Variants in DOK6 observed in about 807,000 individuals in gnomAD.
DOK6 encodes the protein docking protein 6, also known as downstream of tyrosine kinase 6.
Under a neutral mutation model 44.0 loss-of-function variants are expected in DOK6, and 22 were observed. That is an observed-to-expected ratio of 0.50 (90% CI 0.36 to 0.71). The LOEUF (loss-of-function observed/expected upper bound fraction) is 0.71. DOK6 is among the 30% of genes least tolerant of loss of function. The probability of loss-of-function intolerance (pLI) is 0.00; values close to 1 mark genes in which losing one functional copy is unlikely to be tolerated. For synonymous variants in DOK6, 166 were observed against 145.5 expected (o/e 1.14, Z -1.01); for missense variants, 340 against 416.4 (o/e 0.82, Z 1.60).
intron 5 of DOK6, 48 bp downstream of exon 5, chr18:69,698,641 A>G (rs1599270219): frequency 1.3e-6 from 2 of 1,576,308 alleles, no homozygotes; most frequent in East Asian, 4.5e-5. Context: ...TGTATAACAG[A>G]GTCTGTATAA....
At chr18:69,577,659 A>G (rs1599202009) in intron 2 of DOK6, among the ~76,000 whole-genome samples, 1 of 152,126 alleles carries the variant, frequency 6.6e-6, no homozygotes, top group East Asian at 1.9e-4. Flanking sequence ...CCACAGACTG[A>G]GCACCATCTG....
intron 1 of DOK6, among the ~76,000 whole-genome samples, chr18:69,512,755 G>T (rs1239091232): frequency 1.3e-5 from 2 of 152,116 alleles, no homozygotes; most frequent in Non-Finnish European, 2.9e-5. Flanking sequence ...TATCATTGTT[G>T]ATAAATCAAT....
intron 7 of DOK6, among the ~76,000 whole-genome samples, chr18:69,781,046 C>T (rs927136671): frequency 3.9e-5 from 6 of 152,168 alleles, no homozygotes; most frequent in African/African-American, 1.4e-4. Context: ...TGTGTCTTTG[C>T]AATCCCCACA....
intron 1 of DOK6, among the ~76,000 whole-genome samples, chr18:69,525,004 T>G (rs1223153653): frequency 6.6e-6 from 1 of 151,790 alleles, no homozygotes; most frequent in Non-Finnish European, 1.5e-5. Flanking sequence ...ATTTTTGTCT[T>G]GTATTAGTAT....
rs1024372870 is a variant in DOK6, at chr18:69,725,712, T to A, written c.600-13253T>A. 6.6e-5 allele frequency among the ~76,000 whole-genome samples: 10 copies of A among 152,310 alleles called. 1 individual carries two copies. Among genetic ancestry groups the A allele is most frequent in the African/African-American group, 1.9e-4 (8 of 41,568 alleles). On this transcript the variant is annotated intron_variant, in intron 5 of 7. Coordinates refer to ENST00000382713, the MANE Select transcript of DOK6 (RefSeq NM_152721.6). ...CATGTTGGCCAAGCTGGTCTCGAAC[T>A]CCTGACCTCAGGTAATCGCCCACCT...
intron 1 of DOK6, among the ~76,000 whole-genome samples, chr18:69,560,999 G>C (rs1024121053): frequency 1.3e-5 from 2 of 152,126 alleles, no homozygotes; most frequent in Non-Finnish European, 2.9e-5. Context: ...TTCTGGAGCT[G>C]AATATTTATT....
In DOK6 at chr18:69,453,229, C is replaced by T. The variant is rs1979523387; in HGVS notation, c.66+51919C>T. Among the ~76,000 whole-genome samples, 3 of 130,002 alleles carry T rather than the reference C, an allele frequency of 2.3e-5. No homozygotes were observed. In the South Asian group the frequency reaches 8.7e-4, roughly 38 times the overall value. 85.3% of individuals were successfully genotyped at this position (130,002 alleles called of 152,430 possible). A position where few individuals can be genotyped will look rare whatever the true frequency, so the allele number is the denominator to read the frequency against. ...TCAGCAAAGTCTCAGGATACAAAAT[C>T]AATGTACAAAAATCACAAGCATTCT... is the stretch of plus-strand genomic sequence containing the variant. On this transcript the variant is annotated intron_variant, in intron 1 of 7. Transcript: ENST00000382713.
At chr18:69,801,861 G>C (rs181524226) in intron 7 of DOK6, among the ~76,000 whole-genome samples, 4 of 152,286 alleles carry the variant, frequency 2.6e-5, no homozygotes, top group Admixed American at 2.0e-4. Flanking sequence ...TTCTTGCAGA[G>C]TGTTGAGTAA....
At chr18:69,838,174 C>G (rs1360303966) in intron 7 of DOK6, among the ~76,000 whole-genome samples, 1 of 151,004 alleles carries the variant, frequency 6.6e-6, no homozygotes, top group Non-Finnish European at 1.5e-5. Context: ...ACTTCTCAGC[C>G]CACAAGTAGT....
intron 1 of DOK6, among the ~76,000 whole-genome samples, chr18:69,481,730 A>G (rs1980428993): frequency 6.6e-6 from 1 of 152,156 alleles, no homozygotes; most frequent in African/African-American, 2.4e-5. Flanking sequence ...TCCTTTGGGT[A>G]TATACCCAGT....
intron 1 of DOK6, among the ~76,000 whole-genome samples, chr18:69,411,179 A>G (rs1288447697): frequency 6.6e-6 from 1 of 152,192 alleles, no homozygotes; most frequent in Non-Finnish European, 1.5e-5. Flanking sequence ...AAAAAGTTCT[A>G]TGCATAAGAC....
At chr18:69,706,514 CTT>C (rs34689612) in intron 5 of DOK6, among the ~76,000 whole-genome samples, 4 of 147,420 alleles carry the variant, frequency 2.7e-5, no homozygotes, top group African/African-American at 1.0e-4. Context: ...TCAAGAAACT[CTT>C]TTTTTTTTTA....
At chr18:69,810,690 T>G (rs1175694765) in intron 7 of DOK6, among the ~76,000 whole-genome samples, 1 of 151,622 alleles carries the variant, frequency 6.6e-6, no homozygotes, top group Non-Finnish European at 1.5e-5. Flanking sequence ...AAAAGAAGAA[T>G]GGCCAACAGG....
intron 7 of DOK6, among the ~76,000 whole-genome samples, chr18:69,762,394 G>A (rs570340911): frequency 1.6e-4 from 24 of 152,232 alleles, no homozygotes; most frequent in Middle Eastern, 3.4e-3. Flanking sequence ...TTTCAGCTGT[G>A]CTCCTTGAAG....
chr18:69,677,657 A>G (rs1985952740), intron 3 of DOK6, 77 bp from the exon 4 acceptor site: 3 of 1,600,264 alleles, frequency 1.9e-6, no homozygotes, highest in Admixed American at 1.7e-5. Flanking sequence ...TTACCTGGGA[A>G]AACAGTTAAG....
intron 3 of DOK6, chr18:69,659,876 T>C (rs1367727736): frequency 7.0e-6 from 1 of 143,826 alleles, no homozygotes; most frequent in Non-Finnish European, 1.5e-5. Context: ...AAAACATATA[T>C]GTATGTTTTA....
intron 1 of DOK6, among the ~76,000 whole-genome samples, chr18:69,556,243 G>T (rs147417240): frequency 1.3e-5 from 2 of 151,988 alleles, no homozygotes; most frequent in Non-Finnish European, 2.9e-5. Flanking sequence ...TGCCCTCCAC[G>T]CTGGCCCCTT....
At chr18:69,821,253 T>C (rs536527540) in intron 7 of DOK6, among the ~76,000 whole-genome samples, 4 of 152,266 alleles carry the variant, frequency 2.6e-5, no homozygotes, top group African/African-American at 9.6e-5. Flanking sequence ...ACTCCCTGCA[T>C]CACACTTCCT....
At chr18:69,435,033 A>AGGAAGTACGGAC in intron 1 of DOK6, among the ~76,000 whole-genome samples, 1 of 62,978 alleles carries the variant, frequency 1.6e-5, no homozygotes, top group Non-Finnish European at 3.6e-5. Flanking sequence ...GAGGGAAGGA[A>AGGAAGTACGGAC]GGAAGGAAGG....
Sources: gnomAD v4.1 joint callset for allele counts (sites outside exome capture counted in the v4.1 genomes callset) on GRCh38, gnomAD v4.1.1 for gene constraint, MANE v1.5 for transcripts, NCBI Gene and HGNC (gene_info 2026-07-23, HGNC 2026-07-21) for gene names.